The following IL23R variants were observed in gnomAD, a reference collection of about 807,000 sequenced individuals.
The protein encoded by IL23R is interleukin 23 receptor.
In IL23R, 34 loss-of-function variants were observed where a neutral mutation model predicts 56.9. The ratio of observed to expected loss-of-function variants is 0.60; its 90% CI spans 0.45 to 0.80. The LOEUF (loss-of-function observed/expected upper bound fraction) is 0.80, where lower values mean the gene tolerates loss of function less well. Among genes scored for constraint, IL23R ranks in the 30% least tolerant of loss-of-function variants. IL23R has a pLI of 0.00. For missense variants in IL23R, 635 were observed against 730.0 expected (o/e 0.87, Z 1.50); for synonymous variants, 230 against 249.2 (o/e 0.92, Z 0.73).
chr1:67,229,541 C>T (rs570917492), intron 7 of IL23R, among the ~76,000 whole-genome samples: 1 of 152,250 alleles, frequency 6.6e-6, no homozygotes, highest in South Asian at 2.1e-4. Context: ...AATCTTCATC[C>T]CCTCTCCCCT....
rs570157800 is a variant in IL23R, at chr1:67,228,017, T to C, written c.955+8287T>C. ...TTCTTTCTTTCTTTCTTTCTTTCTT[T>C]CTTCCTTTCTTTCTTTTCTTTCTTT... On this transcript the variant is annotated intron_variant, in intron 7 of 10. Coordinates refer to ENST00000347310, the MANE Select transcript of IL23R (RefSeq NM_144701.3). 1.8e-4 allele frequency among the ~76,000 whole-genome samples: 19 copies of C among 104,018 alleles called. 4 individuals carry two copies. The highest frequency in any genetic ancestry group is 1.6e-3 in the South Asian group (6 of 3,846). 68.2% of individuals were successfully genotyped at this position (104,018 alleles called of 152,430 possible).
At chr1:67,197,941 A>AC (rs1648291559) in intron 4 of IL23R, among the ~76,000 whole-genome samples, 2 of 43,962 alleles carry the variant, frequency 4.5e-5, no homozygotes, top group African/African-American at 3.3e-4. Context: ...GTCATTAAAA[A>AC]AGAAAAGAAA....
At chr1:67,140,351 C>T (rs572220605) in intron 1 of IL23R, among the ~76,000 whole-genome samples, 1 of 152,136 alleles carries the variant, frequency 6.6e-6, no homozygotes, top group Admixed American at 6.5e-5. Flanking sequence ...CAAAGAGTAT[C>T]TTAAAATTTT....
chr1:67,168,942 C>T (rs1646906390), intron 2 of IL23R, among the ~76,000 whole-genome samples: 1 of 151,896 alleles, frequency 6.6e-6, no homozygotes, highest in Admixed American at 6.6e-5. Flanking sequence ...GGTGGATCAC[C>T]TGAGGTCAGG....
chr1:67,195,969 G>T (rs1163428482), intron 4 of IL23R, among the ~76,000 whole-genome samples: 2 of 152,110 alleles, frequency 1.3e-5, no homozygotes, highest in East Asian at 3.9e-4. Flanking sequence ...ATATTTTGGG[G>T]CTAGAAAAAT....
At chr1:67,180,009 T>A (rs28838391) in intron 3 of IL23R, among the ~76,000 whole-genome samples, 1 of 152,186 alleles carries the variant, frequency 6.6e-6, no homozygotes, top group Non-Finnish European at 1.5e-5. Flanking sequence ...TCTGTTTTTT[T>A]ACATTTGCTG....
rs116125607 is a variant in IL23R at position 67,193,859 on chromosome 1, A to G, written c.492-6878A>G. On this transcript the variant is annotated intron_variant, in intron 4 of 10. Transcript: ENST00000347310. ...GGAGGTAGCATCAGATCCCACAGCT[A>G]AAGGCTCAGTCCCACAAGACTCAAC... Among the ~76,000 whole-genome samples the G allele has an allele frequency of 3.7e-3, 566 of 152,282 alleles. 4 individuals carry two copies. The highest frequency in any genetic ancestry group is 0.013 in the African/African-American group (540 of 41,540).
chr1:67,212,820 G>A (rs539111795), intron 6 of IL23R, among the ~76,000 whole-genome samples: 1 of 152,190 alleles, frequency 6.6e-6, no homozygotes, highest in East Asian at 1.9e-4. Flanking sequence ...CTCCCAAAGT[G>A]CTGGTATTAC....
At chr1:67,162,322 G>A (rs1646829437), upstream of IL23R, among the ~76,000 whole-genome samples, 2 of 151,668 alleles carry the variant, frequency 1.3e-5, no homozygotes, top group African/African-American at 2.4e-5. Flanking sequence ...AAATTAGCTG[G>A]GCATGGTGGC....
In IL23R at chr1:67,220,403, T is replaced by C. The variant is rs1477541356; in HGVS notation, c.955+673T>C. Among the ~76,000 whole-genome samples, 4 of 151,834 alleles carry C rather than the reference T, an allele frequency of 2.6e-5. No homozygotes were observed. The East Asian group carries it at 7.7e-4, about 29-fold the overall frequency. On this transcript the variant is annotated intron_variant, in intron 7 of 10. Coordinates refer to ENST00000347310, the MANE Select transcript of IL23R (RefSeq NM_144701.3). ...TAAAAATAAAAATAATAATAATAAA[T>C]AAGTTAAAAACAAAATAAAGCTACA...
chr1:67,248,486 A>C (rs1652391675), intron 9 of IL23R, among the ~76,000 whole-genome samples: 1 of 150,384 alleles, frequency 6.6e-6, no homozygotes, highest in Admixed American at 6.6e-5. Flanking sequence ...GTTCTTCTCT[A>C]CCCTGGTTAT....
chr1:67,224,903 C>T (rs889938161), intron 7 of IL23R, among the ~76,000 whole-genome samples: 2 of 152,128 alleles, frequency 1.3e-5, no homozygotes, highest in African/African-American at 4.8e-5. Context: ...ATGAATTGTT[C>T]TTTATTTATC....
In IL23R at chr1:67,231,534, C is replaced by T. The variant is rs114665479; in HGVS notation, c.956-5179C>T. The stretch of plus-strand genomic sequence containing the variant: ...AAGCAATTTGCCCAGGGCCATGGAA[C>T]TCCATCTAGTAGAGCCAGGACTTGG... On this transcript the variant is annotated intron_variant, in intron 7 of 10. Transcript: ENST00000347310. Among the ~76,000 whole-genome samples the T allele has an allele frequency of 6.8e-3, 1,042 of 152,126 alleles. 7 individuals are homozygous for T. The highest frequency in any genetic ancestry group is 0.011 in the South Asian group (51 of 4,818).
chr1:67,146,517 C>G (rs1369922878), intron 1 of IL23R, among the ~76,000 whole-genome samples: 1 of 152,108 alleles, frequency 6.6e-6, no homozygotes, highest in Non-Finnish European at 1.5e-5. Flanking sequence ...TTGATGGGGA[C>G]TGGTCCAATA....
chr1:67,240,069 A>AC, intron 8 of IL23R, 110 bp from the exon 9 acceptor site: 1 of 824,266 alleles, frequency 1.2e-6, no homozygotes, highest in Non-Finnish European at 2.0e-6. Flanking sequence ...GCTTCCCCCC[A>AC]CCCTTTCTCC....
chr1:67,230,467 G>A (rs1036485448), intron 7 of IL23R, among the ~76,000 whole-genome samples: 1 of 152,154 alleles, frequency 6.6e-6, no homozygotes, highest in Non-Finnish European at 1.5e-5. Flanking sequence ...GCTACACTTT[G>A]ACATCAGACC....
chr1:67,260,618 G>T (rs2100402721), downstream of IL23R, among the ~76,000 whole-genome samples: 1 of 152,278 alleles, frequency 6.6e-6, no homozygotes, highest in East Asian at 1.9e-4. Context: ...TGTCAATATG[G>T]AAAAGTGGTT....
rs751862424 is a variant in IL23R at position 67,182,921 on chromosome 1, C to T, written c.453C>T (p.Leu151=). The change falls in exon 4 of 11, where the codon CTC becomes CTT. Residue 151 remains leucine (L), a synonymous_variant. Coordinates refer to ENST00000347310, the MANE Select transcript of IL23R (RefSeq NM_144701.3). ...NMTCTWNAGK[L]TYIDTKYVVH... is the part of the protein sequence containing the mutation. ...CTTGCACCTGGAATGCTGGGAAGCT[C>T]ACCTACATAGACACAAAATACGTGG... 2.5e-6 allele frequency: 4 copies of T among 1,614,118 alleles called. No homozygotes were observed. Among genetic ancestry groups the T allele is most frequent in the East Asian group, 4.5e-5 (2 of 44,890 alleles).
intron 4 of IL23R, among the ~76,000 whole-genome samples, chr1:67,194,586 G>T (rs2102609703): frequency 6.6e-6 from 1 of 152,218 alleles, no homozygotes; most frequent in Admixed American, 6.5e-5. Flanking sequence ...GCTAATATGG[G>T]GTAGACTTTA....
Sources: gnomAD v4.1 joint callset for allele counts (sites outside exome capture counted in the v4.1 genomes callset) on GRCh38, gnomAD v4.1.1 for gene constraint, MANE v1.5 for transcripts, NCBI Gene and HGNC (gene_info 2026-07-23, HGNC 2026-07-21) for gene names.